Variants in ELOVL2 observed in about 807,000 individuals in gnomAD.
The protein encoded by ELOVL2 is very long chain fatty acid elongase 2.
Under a neutral mutation model 37.7 loss-of-function variants are expected in ELOVL2, and 38 were observed. That is an observed-to-expected ratio of 1.01 (90% CI 0.78 to 1.32). The LOEUF is 1.32. Among genes scored for constraint, ELOVL2 ranks in the 40% most tolerant of loss-of-function variants. The pLI is 0.00. For synonymous variants in ELOVL2, 115 were observed against 122.3 expected, an observed-to-expected ratio of 0.94 and a Z score of 0.40; for missense variants, 352 against 363.6, an observed-to-expected ratio of 0.97 and a Z score of 0.26.
intron 2 of ELOVL2, 143 bp from the exon 3 acceptor site, chr6:11,005,702 G>T: frequency 1.5e-6 from 1 of 661,052 alleles, no homozygotes; most frequent in Non-Finnish European, 2.5e-6. Context: ...CCTGGGTTTA[G>T]AGTTCAGGGG....
chr6:11,013,924 C>T (rs987811120), intron 1 of ELOVL2, among the ~76,000 whole-genome samples: 2 of 151,806 alleles, frequency 1.3e-5, no homozygotes, highest in African/African-American at 4.8e-5. Context: ...ATGGCCACAA[C>T]TTAGCCTCCC....
At position 10,990,675 on chromosome 6, in the gene ELOVL2, C is replaced by CG. The variant is rs79871644; in HGVS notation, c.506-234_506-233insC. ...GGATGGTTTTTCAGAATGCCCCCCC[C>CG]CCGCCACACAGGGGAACACCTTATC... is the stretch of plus-strand genomic sequence containing the variant. On this transcript the variant is annotated intron_variant, in intron 5 of 7. Coordinates refer to ENST00000354666, the MANE Select transcript of ELOVL2 (RefSeq NM_017770.4). 3.9e-4 allele frequency among the ~76,000 whole-genome samples: 56 copies of CG among 142,918 alleles called. No individual in the cohort carries two copies. The East Asian group carries it at 7.3e-3, about 19-fold the overall frequency. The allele number at this position is 142,918 out of a possible 152,430, so 93.8% of individuals were successfully genotyped here. A position where few individuals can be genotyped will look rare whatever the true frequency, so the allele number is the denominator to read the frequency against.
chr6:11,009,646 A>G (rs567108331), intron 2 of ELOVL2, among the ~76,000 whole-genome samples: 2 of 152,340 alleles, frequency 1.3e-5, no homozygotes, highest in African/African-American at 2.4e-5. Flanking sequence ...AGAATTTTAC[A>G]TATTTGCAGA....
chr6:10,999,341 G>A (rs997490947), intron 4 of ELOVL2, among the ~76,000 whole-genome samples: 2 of 150,400 alleles, frequency 1.3e-5, no homozygotes, highest in African/African-American at 4.9e-5. Flanking sequence ...GGCTTCTCCT[G>A]TATCCCCTCT....
In ELOVL2 at chr6:11,029,223, C is replaced by CAAAAAAAA. The variant is rs376639413; in HGVS notation, c.3+14997_3+15004dup. Reference sequence around the variant, plus strand: ...AGCCCGGGGCGACAGAGGGAGATCTCAAAAAAAAAAAAAAAAAAAAAAAAA... The same window carrying CAAAAAAAA: ...AGCCCGGGGCGACAGAGGGAGATCTCAAAAAAAAAAAAAAAAAAAAAAAAAAAAAAAAA... On this transcript the variant is annotated intron_variant, in intron 1 of 7. Coordinates refer to ENST00000354666, the MANE Select transcript of ELOVL2 (RefSeq NM_017770.4). Among the ~76,000 whole-genome samples, 276 of 75,748 alleles carry CAAAAAAAA rather than the reference C, an allele frequency of 3.6e-3. 18 individuals carry two copies. The highest frequency in any genetic ancestry group is 0.013 in the African/African-American group (243 of 19,256). 49.7% of individuals were successfully genotyped at this position (75,748 alleles called of 152,430 possible). A position where few individuals can be genotyped will look rare whatever the true frequency, so the allele number is the denominator to read the frequency against.
At chr6:11,006,135 G>T (rs1782480117) in intron 2 of ELOVL2, among the ~76,000 whole-genome samples, 1 of 152,140 alleles carries the variant, frequency 6.6e-6, no homozygotes, top group Non-Finnish European at 1.5e-5. Context: ...TAATGGAAGG[G>T]GTTTAGAGTT....
chr6:10,998,435 CCT>C (rs1171263362), intron 4 of ELOVL2, among the ~76,000 whole-genome samples: 2 of 152,044 alleles, frequency 1.3e-5, no homozygotes, highest in African/African-American at 4.8e-5. Flanking sequence ...TAATTCTTTC[CCT>C]CTAATTTTTT....
intron 1 of ELOVL2, among the ~76,000 whole-genome samples, chr6:11,012,750 TATTC>T (rs1197207228): frequency 6.6e-6 from 1 of 152,230 alleles, no homozygotes; most frequent in Admixed American, 6.5e-5. Context: ...TCCATTCCTT[TATTC>T]ATTAATTTAT....
intron 7 of ELOVL2, among the ~76,000 whole-genome samples, chr6:10,987,312 T>C (rs1385282380): frequency 6.6e-6 from 1 of 152,180 alleles, no homozygotes; most frequent in Non-Finnish European, 1.5e-5. Flanking sequence ...CCTGGATTCA[T>C]TGATTTTTTG....
chr6:11,024,933 T>C (rs1561725984), intron 1 of ELOVL2, among the ~76,000 whole-genome samples: 1 of 152,198 alleles, frequency 6.6e-6, no homozygotes, highest in Non-Finnish European at 1.5e-5. Flanking sequence ...TTTCTGAAAC[T>C]TTCTTCTGCA....
At chr6:11,039,695 T>C (rs945502967) in intron 1 of ELOVL2, among the ~76,000 whole-genome samples, 1 of 152,184 alleles carries the variant, frequency 6.6e-6, no homozygotes, top group Non-Finnish European at 1.5e-5. Flanking sequence ...GAAAGGAAAA[T>C]AAAACTCAAA....
chr6:10,997,779 G>A lies in ELOVL2; in HGVS notation c.333+2308C>T, dbSNP rs143263102. Reference sequence around the variant, plus strand: ...TCACATCAGGAGGTACGTAATTTCCGGCTGTTCCACTGATACTCAAACTGA... The same window carrying A: ...TCACATCAGGAGGTACGTAATTTCCAGCTGTTCCACTGATACTCAAACTGA... On this transcript the variant is annotated intron_variant, in intron 4 of 7. Coordinates refer to ENST00000354666, the MANE Select transcript of ELOVL2 (RefSeq NM_017770.4). Among the ~76,000 whole-genome samples, 477 of 152,194 alleles carry A rather than the reference G, an allele frequency of 3.1e-3. 1 individual carries two copies. Among genetic ancestry groups the A allele is most frequent in the African/African-American group, 0.011 (448 of 41,518 alleles).
At chr6:11,019,964 G>C (rs1264882542) in intron 1 of ELOVL2, among the ~76,000 whole-genome samples, 1 of 152,130 alleles carries the variant, frequency 6.6e-6, no homozygotes, top group East Asian at 1.9e-4. Flanking sequence ...AGCCGGTTTC[G>C]AACTCCTGAC....
chr6:11,010,263 C>G (rs921301260), intron 2 of ELOVL2, among the ~76,000 whole-genome samples: 6 of 151,894 alleles, frequency 4.0e-5, no homozygotes, highest in African/African-American at 1.5e-4. Context: ...ACCTCATGAT[C>G]CGCCCACCTC....
At position 10,995,090 on chromosome 6, in the gene ELOVL2, T is replaced by C. The variant is rs1782240415; in HGVS notation, c.422A>G (p.Gln141Arg). 6 of 1,613,396 alleles carry C rather than the reference T, an allele frequency of 3.7e-6. No individual in the cohort carries two copies. The East Asian group carries it at 1.3e-4, about 36-fold the overall frequency. ...IFFVLRKKTSQITFLHVYHHA... is the reference protein window; with the variant it reads ...IFFVLRKKTSRITFLHVYHHA... ...ATGATATACATGAAGAAAAGTAATCTGACTCGTTTTTTTCCGCAAAACGAA... is the reference window on the plus strand; with the variant it reads ...ATGATATACATGAAGAAAAGTAATCCGACTCGTTTTTTTCCGCAAAACGAA... Residue 141 changes from glutamine to arginine, a missense_variant, in exon 5 of 8, where the codon CAG (glutamine) becomes CGG (arginine). Gln to Arg is a conservative substitution (Grantham distance 43). Coordinates refer to ENST00000354666, the MANE Select transcript of ELOVL2 (RefSeq NM_017770.4).
At position 10,990,423 on chromosome 6, in the gene ELOVL2, C is replaced by G. The variant is rs1009072756; in HGVS notation, c.525G>C (p.Leu175=). The G allele has an allele frequency of 2.5e-6, 4 of 1,600,546 alleles. No individual in the cohort carries two copies. The Admixed American group carries it at 7.1e-5, about 28-fold the overall frequency. Residue 175 remains leucine (L), a synonymous_variant, in exon 6 of 8, where the codon CTG becomes CTC. Transcript: ENST00000354666. ...PCGQSFFGPT[L]NSFIHILMYS... ...ACATAAGAATGTGGATAAAACTGTT[C>G]AGTGTTGGTCCAAAGAAACCTATAA...
chr6:11,018,994 A>C (rs1782724849), intron 1 of ELOVL2, among the ~76,000 whole-genome samples: 1 of 152,172 alleles, frequency 6.6e-6, no homozygotes, highest in Non-Finnish European at 1.5e-5. Context: ...ACCTGAATAT[A>C]GTATTCTGAA....
intron 1 of ELOVL2, among the ~76,000 whole-genome samples, chr6:11,029,306 A>G (rs879905307): frequency 3.3e-5 from 5 of 150,570 alleles, no homozygotes; most frequent in African/African-American, 9.8e-5. Flanking sequence ...CGCAGGTTCT[A>G]GTTTTGGCTC....
At chr6:10,992,799 A>AAAC (rs1782188355) in intron 5 of ELOVL2, among the ~76,000 whole-genome samples, 1 of 116,482 alleles carries the variant, frequency 8.6e-6, no homozygotes, top group African/African-American at 2.7e-5. Flanking sequence ...AAAAAACAAA[A>AAAC]CAAAAAAAAA....
Sources: allele counts gnomAD v4.1 joint callset (sites outside exome capture counted in the v4.1 genomes callset), GRCh38; gene constraint gnomAD v4.1.1; transcripts MANE v1.5; gene names NCBI Gene and HGNC (gene_info 2026-07-23, HGNC 2026-07-21).